The following EFTUD2 variants were observed in gnomAD, a reference collection of about 807,000 sequenced individuals.
EFTUD2 encodes elongation factor Tu GTP binding domain containing 2, also known as 116 kDa U5 small nuclear ribonucleoprotein component.
EFTUD2 carries 9 observed loss-of-function variants against 114.3 expected under a neutral mutation model. The ratio of observed to expected loss-of-function variants is 0.08; its 90% CI spans 0.05 to 0.14. The LOEUF (loss-of-function observed/expected upper bound fraction) is 0.14. EFTUD2 is among the 10% of genes least tolerant of loss of function. The pLI, the probability that EFTUD2 is intolerant of heterozygous loss-of-function variation, is 1.00. For synonymous variants in EFTUD2, 449 were observed against 462.3 expected, an observed-to-expected ratio of 0.97 and a Z score of 0.37; for missense variants, 765 against 1,241.2, an observed-to-expected ratio of 0.62 and a Z score of 5.76.
At chr17:44,877,011 G>A (rs755925870) in intron 9 of EFTUD2, among the ~76,000 whole-genome samples, 3 of 151,822 alleles carry the variant, frequency 2.0e-5, no homozygotes, top group Non-Finnish European at 4.4e-5. Context: ...CCCGGCAACA[G>A]AGCGAGACCC....
intron 3 of EFTUD2, among the ~76,000 whole-genome samples, 178 bp downstream of exon 3, chr17:44,886,407 G>C (rs1440681604): frequency 6.6e-6 from 1 of 152,150 alleles, no homozygotes; most frequent in Non-Finnish European, 1.5e-5. Context: ...TTAGAAACTA[G>C]TTAAGAACTT....
chr17:44,877,582 G>A (rs1438793509), intron 9 of EFTUD2, among the ~76,000 whole-genome samples: 1 of 152,188 alleles, frequency 6.6e-6, no homozygotes, highest in Non-Finnish European at 1.5e-5. Flanking sequence ...GAGGCAGGTG[G>A]ACTACTTGAG....
chr17:44,860,689 T>G, intron 16 of EFTUD2, 146 bp from the exon 17 acceptor site: 1 of 602,648 alleles, frequency 1.7e-6, no homozygotes. Context: ...GCCTCGAACT[T>G]CCAAGGTTCC....
In EFTUD2 at chr17:44,853,215, T is replaced by G. The variant is rs567202325; in HGVS notation, c.2561+81A>C. 3 of 1,475,134 alleles carry G rather than the reference T, an allele frequency of 2.0e-6. No individual in the cohort carries two copies. The Admixed American group carries it at 5.8e-5, about 29-fold the overall frequency. The allele number at this position is 1,475,134 out of a possible 1,614,324, so 91.4% of individuals were successfully genotyped here. On this transcript the variant is annotated intron_variant, in intron 25 of 27. Transcript: ENST00000426333. ...GAGAGGAGGGTAGAGAAGGCCAACC[T>G]CTCTTCCCTGTAGGAGCCGAGGTGA...
rs201340013 is a variant in EFTUD2 at position 44,885,269 on chromosome 17, C to T, written c.337G>A (p.Val113Met). The change falls in exon 4 of 28, where the codon GTG (valine) becomes ATG (methionine). Residue 113 changes from valine (V) to methionine (M), a missense_variant. Physicochemically the swap from Val to Met is conservative, Grantham distance 21. Around this residue, in one of 6 missense-constraint regions of EFTUD2, gnomAD observed 19 missense variants for 53.0 expected, o/e 0.36. Transcript: ENST00000426333. ...TLMEQTLPVT[V>M]YEMDFLADLM... ...CTTGTAACTTACTCCATCTCATACA[C>T]CGTAACAGGTAATGTCTGCTCCATC... The T allele has an allele frequency of 6.2e-7, 1 of 1,613,602 alleles. No individual in the cohort carries two copies. Among genetic ancestry groups the T allele is most frequent in the Admixed American group, 1.7e-5 (1 of 59,982 alleles).
At chr17:44,881,640 G>T in intron 7 of EFTUD2, 47 bp downstream of exon 7, 1 of 1,602,676 alleles carries the variant, frequency 6.2e-7, no homozygotes, top group South Asian at 1.1e-5. Context: ...AACTATTACT[G>T]GTGGGTCTGG....
At position 44,859,187 on chromosome 17, in the gene EFTUD2, A is replaced by G; in HGVS notation, c.1861-6T>C. On this transcript the variant is annotated splice_polypyrimidine_tract_variant and splice_region_variant and intron_variant, in intron 18 of 27. Coordinates refer to ENST00000426333, the MANE Select transcript of EFTUD2 (RefSeq NM_004247.4). ...TGCTCGCCAGACTCCTCCACCTGAA[A>G]CACAACAGGCAGTCACAGCCTGGAT... 6.2e-7 allele frequency: 1 copy of G among 1,604,272 alleles called. No individual in the cohort carries two copies. The highest frequency in any genetic ancestry group is 8.5e-7 in the Non-Finnish European group (1 of 1,170,992).
intron 9 of EFTUD2, among the ~76,000 whole-genome samples, chr17:44,877,663 A>T (rs1432670719): frequency 6.6e-6 from 1 of 151,816 alleles, no homozygotes; most frequent in Non-Finnish European, 1.5e-5. Context: ...AAAATTAGCC[A>T]GGTGTGGTGG....
chr17:44,860,508 T>G lies in EFTUD2; in HGVS notation c.1643A>C (p.Asn548Thr). Residue 548 changes from asparagine to threonine, a missense_variant, in exon 17 of 28, where the codon AAC (asparagine) becomes ACC (threonine). Physicochemically the swap from Asn to Thr is moderately conservative, Grantham distance 65 (BLOSUM62 0). Transcript: ENST00000426333. ...HIEVNRVPAG[N>T]WVLIEGVDQP... ...ATCAACACCTTCAATCAGAACCCAGTTGCCAGCAGGAACACGGTTCACCTC... is the reference window on the plus strand; with the variant it reads ...ATCAACACCTTCAATCAGAACCCAGGTGCCAGCAGGAACACGGTTCACCTC... 2 of 1,614,044 alleles carry G rather than the reference T, an allele frequency of 1.2e-6. No individual in the cohort carries two copies. Among genetic ancestry groups the G allele is most frequent in the Non-Finnish European group, 1.7e-6 (2 of 1,179,974 alleles).
intron 1 of EFTUD2, among the ~76,000 whole-genome samples, chr17:44,895,543 T>C (rs899034959): frequency 1.1e-4 from 17 of 151,520 alleles, no homozygotes; most frequent in African/African-American, 4.1e-4. Flanking sequence ...GCCATGCATA[T>C]TCATTTGCAT....
intron 2 of EFTUD2, 40 bp from the exon 3 acceptor site, chr17:44,886,790 G>C: frequency 6.3e-7 from 1 of 1,581,628 alleles, no homozygotes; most frequent in Non-Finnish European, 8.6e-7. Flanking sequence ...AGAGGCACAC[G>C]CTTTTCCTGT....
intron 18 of EFTUD2, 139 bp from the exon 19 acceptor site, chr17:44,859,320 A>G: frequency 1.5e-6 from 1 of 680,134 alleles, no homozygotes; most frequent in Non-Finnish European, 2.7e-6. Flanking sequence ...CCTCTTCAAG[A>G]AGGTTCAGTG....
At chr17:44,859,863 G>T in intron 18 of EFTUD2, 42 bp downstream of exon 18, 1 of 1,612,808 alleles carries the variant, frequency 6.2e-7, no homozygotes, top group Non-Finnish European at 8.5e-7. Flanking sequence ...CATTCAGCTG[G>T]GGATAGTGGG....
At chr17:44,865,158 ACTC>A in intron 13 of EFTUD2, 93 bp from the exon 14 acceptor site, 1 of 1,516,822 alleles carries the variant, frequency 6.6e-7, no homozygotes, top group East Asian at 2.3e-5. Context: ...TATCTGAAGA[ACTC>A]CTTCACAAGG....
chr17:44,872,381 T>C, intron 11 of EFTUD2, 65 bp downstream of exon 11: 1 of 1,597,486 alleles, frequency 6.3e-7, no homozygotes, highest in Non-Finnish European at 8.5e-7. Context: ...TTCTGAGTCA[T>C]TCAGCAGGAA....
chr17:44,883,413 T>C, intron 5 of EFTUD2: 2 of 605,094 alleles, frequency 3.3e-6, no homozygotes, highest in East Asian at 5.5e-5. Context: ...TTTCCCATCT[T>C]CTGTCCAGAT....
intron 2 of EFTUD2, among the ~76,000 whole-genome samples, chr17:44,890,667 G>T (rs2051263702): frequency 6.6e-6 from 1 of 151,976 alleles, no homozygotes; most frequent in Non-Finnish European, 1.5e-5. Flanking sequence ...ACTCCAGCCT[G>T]GGCAACAAGA....
intron 3 of EFTUD2, among the ~76,000 whole-genome samples, chr17:44,886,012 A>C (rs2145556905): frequency 6.6e-6 from 1 of 151,902 alleles, no homozygotes; most frequent in Non-Finnish European, 1.5e-5. Flanking sequence ...CAGGGCAGAG[A>C]GATCACTTGA....
At chr17:44,866,048 G>A (rs995565583) in intron 13 of EFTUD2, among the ~76,000 whole-genome samples, 1 of 152,168 alleles carries the variant, frequency 6.6e-6, no homozygotes, top group African/African-American at 2.4e-5. Context: ...GATCTCAAGC[G>A]ATCTGCCCAC....
Sources: gnomAD v4.1 joint callset for allele counts (sites outside exome capture counted in the v4.1 genomes callset) on GRCh38, gnomAD v4.1.1 for gene constraint, gnomAD v4.1.1 regional missense constraint, MANE v1.5 for transcripts, NCBI Gene and HGNC (gene_info 2026-07-23, HGNC 2026-07-21) for gene names.